CADM2: variants seen among roughly 807,000 people sequenced by gnomAD.
CADM2 encodes immunoglobulin superfamily member 4D.
A neutral mutation model predicts 49.8 loss-of-function variants in CADM2; 12 were observed. The ratio of observed to expected loss-of-function variants is 0.24; its 90% CI spans 0.15 to 0.39. CADM2 has a LOEUF of 0.39. Ranked by LOEUF, CADM2 falls within the 10% of genes least tolerant of loss-of-function variation. CADM2 has a pLI of 1.00. For synonymous variants in CADM2, 214 were observed against 175.4 expected (o/e 1.22, Z -1.74); for missense variants, 378 against 492.3 (o/e 0.77, Z 2.20).
intron 1 of CADM2, among the ~76,000 whole-genome samples, chr3:85,057,510 A>G (rs1191420502): frequency 1.3e-5 from 2 of 152,172 alleles, no homozygotes; most frequent in Non-Finnish European, 2.9e-5. Context: ...GTTAGTTACT[A>G]ACTTTGATGT....
chr3:85,036,997 G>GAAAAA lies in CADM2; in HGVS notation c.61+77347_61+77351dup, dbSNP rs10566030. 3.8e-5 allele frequency among the ~76,000 whole-genome samples: 3 copies of GAAAAA among 78,014 alleles called. 1 individual carries two copies. The highest frequency in any genetic ancestry group is 7.7e-5 in the Non-Finnish European group (3 of 39,108). 51.2% of individuals were successfully genotyped at this position (78,014 alleles called of 152,430 possible). On this transcript the variant is annotated intron_variant, in intron 1 of 9. Transcript: ENST00000383699. ...TGAAACCCCGTCTCTACTAAAAATA[G>GAAAAA]AAAAAAAAAAAAAAAAAAAAAACTT...
intron 1 of CADM2, among the ~76,000 whole-genome samples, chr3:85,311,379 A>AT (rs1281486216): frequency 4.0e-5 from 6 of 148,858 alleles, no homozygotes; most frequent in African/African-American, 9.8e-5. Flanking sequence ...TATTATTATT[A>AT]TTATTATTTT....
chr3:85,529,530 G>GATTATACTTAAACCATAAGTTTAAGTATA (rs2061247661), intron 1 of CADM2, among the ~76,000 whole-genome samples: 1 of 152,132 alleles, frequency 6.6e-6, no homozygotes, highest in Non-Finnish European at 1.5e-5. Flanking sequence ...TTGCTAGAAT[G>GATTATACTTAAACCATAAGTTTAAGTATA]ATTATACTTA....
At chr3:85,549,979 G>A (rs941344594) in intron 1 of CADM2, among the ~76,000 whole-genome samples, 18 of 151,904 alleles carry the variant, frequency 1.2e-4, no homozygotes, top group South Asian at 2.1e-4. Flanking sequence ...AATAGTAACA[G>A]CTAACACATG....
At chr3:85,784,804 A>G (rs1162683855) in intron 2 of CADM2, among the ~76,000 whole-genome samples, 1 of 152,118 alleles carries the variant, frequency 6.6e-6, no homozygotes, top group Non-Finnish European at 1.5e-5. Context: ...GTCTCATAGG[A>G]TGAGTTTGGA....
chr3:85,148,122 A>G (rs1202764741), intron 1 of CADM2, among the ~76,000 whole-genome samples: 1 of 152,204 alleles, frequency 6.6e-6, no homozygotes, highest in Non-Finnish European at 1.5e-5. Context: ...TGAATATCAC[A>G]GCGTGTAAAC....
chr3:86,012,848 G>C, intron 8 of CADM2: 1 of 533,890 alleles, frequency 1.9e-6, no homozygotes, highest in Non-Finnish European at 3.4e-6. Flanking sequence ...GGTGGCGGGC[G>C]CCTGTAGTCC....
chr3:85,752,989 A>T (rs1450259847), intron 2 of CADM2, among the ~76,000 whole-genome samples: 3 of 152,170 alleles, frequency 2.0e-5, no homozygotes, highest in Non-Finnish European at 2.9e-5. Flanking sequence ...CTTACTCAGT[A>T]GGTACAAATA....
intron 1 of CADM2, among the ~76,000 whole-genome samples, chr3:85,509,376 A>G (rs1357964735): frequency 6.6e-6 from 1 of 152,152 alleles, no homozygotes; most frequent in Non-Finnish European, 1.5e-5. Flanking sequence ...TGGTATCACT[A>G]TCACGATCAT....
intron 1 of CADM2, among the ~76,000 whole-genome samples, chr3:84,995,791 G>A (rs2033151776): frequency 6.6e-6 from 1 of 152,072 alleles, no homozygotes; most frequent in East Asian, 1.9e-4. Context: ...TGGCTTTTTA[G>A]CTTGTTGTTT....
chr3:84,969,829 C>T (rs1436456104), intron 1 of CADM2, among the ~76,000 whole-genome samples: 1 of 151,770 alleles, frequency 6.6e-6, no homozygotes, highest in African/African-American at 2.4e-5. Flanking sequence ...TGAATCTTCC[C>T]GATATCTTTG....
chr3:85,090,023 T>G (rs1309832930), intron 1 of CADM2, among the ~76,000 whole-genome samples: 3 of 152,174 alleles, frequency 2.0e-5, no homozygotes, highest in Non-Finnish European at 2.9e-5. Context: ...TTCTTTTAGT[T>G]AATCTCAAAT....
intron 1 of CADM2, among the ~76,000 whole-genome samples, chr3:85,547,284 G>A (rs574482123): frequency 2.0e-5 from 3 of 152,164 alleles, no homozygotes; most frequent in Admixed American, 6.5e-5. Context: ...TGGGCATGGC[G>A]ATTTCATAAA....
intron 1 of CADM2, among the ~76,000 whole-genome samples, chr3:85,223,170 C>A (rs1358890351): frequency 6.6e-6 from 1 of 152,018 alleles, no homozygotes; most frequent in Non-Finnish European, 1.5e-5. Context: ...AGTCAGAGAT[C>A]ATAAGTAGAA....
intron 5 of CADM2, among the ~76,000 whole-genome samples, chr3:85,894,207 T>C (rs1186448794): frequency 6.6e-6 from 1 of 152,150 alleles, no homozygotes; most frequent in East Asian, 1.9e-4. Context: ...GGGACATGGA[T>C]GAAGCTGGAA....
At chr3:85,871,910 G>A (rs573220645) in intron 3 of CADM2, among the ~76,000 whole-genome samples, 1 of 152,230 alleles carries the variant, frequency 6.6e-6, no homozygotes, top group South Asian at 2.1e-4. Flanking sequence ...TGGTGGTGTG[G>A]CTATTCAAAA....
intron 1 of CADM2, among the ~76,000 whole-genome samples, chr3:84,997,540 G>C (rs931051613): frequency 6.6e-6 from 1 of 151,722 alleles, no homozygotes; most frequent in African/African-American, 2.4e-5. Flanking sequence ...TATGAAAATA[G>C]GAAGATACAT....
chr3:85,201,019 T>C (rs1280431872), intron 1 of CADM2, among the ~76,000 whole-genome samples: 1 of 152,216 alleles, frequency 6.6e-6, no homozygotes, highest in Non-Finnish European at 1.5e-5. Context: ...ATCCCTGTGA[T>C]AAGTAATACA....
intron 2 of CADM2, among the ~76,000 whole-genome samples, chr3:85,730,470 A>C (rs2067883759): frequency 6.7e-6 from 1 of 149,474 alleles, no homozygotes; most frequent in Admixed American, 6.7e-5. Context: ...AAAATAAAAT[A>C]AAATAAAATA....
Sources: allele counts gnomAD v4.1 joint callset (sites outside exome capture counted in the v4.1 genomes callset), GRCh38; gene constraint gnomAD v4.1.1; transcripts MANE v1.5; gene names NCBI Gene and HGNC (gene_info 2026-07-23, HGNC 2026-07-21).